Variants in ETV6 observed in about 807,000 individuals in gnomAD.
ETV6 encodes the protein ETS variant transcription factor 6.
ETV6 carries 16 observed loss-of-function variants against 51.1 expected under a neutral mutation model. That is an observed-to-expected ratio of 0.31 (90% CI 0.21 to 0.48). ETV6 has a LOEUF of 0.48. Ranked by LOEUF, ETV6 falls within the 20% of genes least tolerant of loss-of-function variation. The probability of loss-of-function intolerance (pLI) is 0.99; values close to 1 mark genes in which losing one functional copy is unlikely to be tolerated. For synonymous variants in ETV6, 240 were observed against 224.1 expected (o/e 1.07, Z -0.64); for missense variants, 458 against 594.8 (o/e 0.77, Z 2.39).
intron 4 of ETV6, among the ~76,000 whole-genome samples, chr12:11,857,986 GTCC>G (rs1946656887): frequency 6.6e-6 from 1 of 152,178 alleles, no homozygotes; most frequent in Non-Finnish European, 1.5e-5. Context: ...TCATAGCAGT[GTCC>G]TGCCTGGTGT....
intron 2 of ETV6, among the ~76,000 whole-genome samples, chr12:11,815,973 T>C (rs1212582064): frequency 1.3e-5 from 2 of 152,226 alleles, no homozygotes; most frequent in East Asian, 1.9e-4. Flanking sequence ...AGGTTATAGA[T>C]GACTTCATGC....
At chr12:11,695,020 T>G (rs1262886011) in intron 1 of ETV6, among the ~76,000 whole-genome samples, 1 of 152,222 alleles carries the variant, frequency 6.6e-6, no homozygotes, top group Non-Finnish European at 1.5e-5. Flanking sequence ...ATACTGAATT[T>G]TGCTGTGACC....
At chr12:11,696,026 GA>G (rs58263882) in intron 1 of ETV6, among the ~76,000 whole-genome samples, 30 of 146,318 alleles carry the variant, frequency 2.1e-4, no homozygotes, top group East Asian at 4.0e-4. Context: ...TAGGTGTAGG[GA>G]AAAAAAAAAG....
rs1203943794 is a variant in ETV6, at chr12:11,649,979, C to CGG, written c.-149_-148insGG. On this transcript the variant is annotated 5_prime_UTR_variant, in exon 1 of 8. The change creates a premature stop within an existing upstream ORF in the 5' untranslated region. Transcript: ENST00000396373. ...GCCGCCCCGCCCCGCCCCGCGCGCT[C>CGG]CAGACCCCCGGGGCGGCTGCCGGGA... 7 of 699,740 alleles carry CGG rather than the reference C, an allele frequency of 1.0e-5. No individual in the cohort carries two copies. The East Asian group carries it at 2.0e-4, about 20-fold the overall frequency. The allele number at this position is 699,740 out of a possible 1,614,324, so 43.3% of individuals were successfully genotyped here.
At chr12:11,692,734 G>A (rs865882589) in intron 1 of ETV6, among the ~76,000 whole-genome samples, 1 of 152,206 alleles carries the variant, frequency 6.6e-6, no homozygotes. Flanking sequence ...AGCTGGGAGA[G>A]GCAGTATGCA....
chr12:11,759,760 A>G (rs1945057286), intron 2 of ETV6, among the ~76,000 whole-genome samples: 1 of 103,738 alleles, frequency 9.6e-6, no homozygotes, highest in South Asian at 5.1e-4. Flanking sequence ...CAGGTGTGAT[A>G]AAGGTTCAGT....
At position 11,891,238 on chromosome 12, in the gene ETV6, G is replaced by A. The variant is rs1328764391; in HGVS notation, c.*192G>A. The stretch of plus-strand genomic sequence containing the variant: ...TAGACAAACTACCCAGCACAGGCGG[G>A]GCTGGAATTCTGGCGGAGGGCATGA... On this transcript the variant is annotated 3_prime_UTR_variant, in exon 8 of 8. Coordinates refer to ENST00000396373, the MANE Select transcript of ETV6 (RefSeq NM_001987.5). 2 of 527,684 alleles carry A rather than the reference G, an allele frequency of 3.8e-6. No homozygotes were observed. Among genetic ancestry groups the A allele is most frequent in the South Asian group, 2.3e-5 (1 of 43,212 alleles). 32.7% of individuals were successfully genotyped at this position (527,684 alleles called of 1,614,324 possible). A position where few individuals can be genotyped will look rare whatever the true frequency, so the allele number is the denominator to read the frequency against.
At chr12:11,856,137 G>T (rs1448345722) in intron 4 of ETV6, among the ~76,000 whole-genome samples, 1 of 152,152 alleles carries the variant, frequency 6.6e-6, no homozygotes, top group Admixed American at 6.5e-5. Flanking sequence ...TCAGCAGTAG[G>T]TGTGTTTGTT....
At chr12:11,859,211 G>A (rs543093894) in intron 4 of ETV6, among the ~76,000 whole-genome samples, 3 of 121,654 alleles carry the variant, frequency 2.5e-5, no homozygotes, top group African/African-American at 9.3e-5. Flanking sequence ...GTGCGATCTC[G>A]GTTCACTGCA....
chr12:11,663,035 C>A (rs1051156231), intron 1 of ETV6, among the ~76,000 whole-genome samples: 7 of 152,182 alleles, frequency 4.6e-5, no homozygotes, highest in Admixed American at 3.9e-4. Flanking sequence ...TCTGTTATAC[C>A]ATTTGCCAAA....
chr12:11,839,144 G>T lies in ETV6; in HGVS notation c.168G>T (p.Leu56Phe), dbSNP rs1278146731. 1 of 1,613,772 alleles carries T rather than the reference G, an allele frequency of 6.2e-7. No homozygotes were observed. The highest frequency in any genetic ancestry group is 8.5e-7 in the Non-Finnish European group (1 of 1,179,696). Residue 56 changes from leucine (L) to phenylalanine (F), a missense_variant, in exon 3 of 8, where the codon TTG becomes TTT. Leu to Phe is a conservative substitution (Grantham distance 22). Around this residue, in one of 4 missense-constraint regions of ETV6, gnomAD observed 84 missense variants for 75.9 expected, o/e 1.11. Coordinates refer to ENST00000396373, the MANE Select transcript of ETV6 (RefSeq NM_001987.5). ...GCCTCATGCTCTCTCCAACAGGCTT[G>T]CAGCCAATTTACTGGAGCAGGGATG... ...DSIRLPAHLR[L>F]QPIYWSRDDV...
chr12:11,877,522 G>A (rs148440934), intron 5 of ETV6, among the ~76,000 whole-genome samples: 1 of 152,204 alleles, frequency 6.6e-6, no homozygotes, highest in East Asian at 1.9e-4. Context: ...GAAAAGATAG[G>A]GTTGTGGGAT....
At chr12:11,732,402 T>C (rs1208528706) in intron 1 of ETV6, among the ~76,000 whole-genome samples, 1 of 152,204 alleles carries the variant, frequency 6.6e-6, no homozygotes, top group Admixed American at 6.5e-5. Flanking sequence ...TCTCAATTTC[T>C]AAGGCCCCTT....
At chr12:11,817,009 C>T (rs2710291) in intron 2 of ETV6, among the ~76,000 whole-genome samples, 89,196 of 151,968 alleles carry the variant, frequency 0.59, 26,177 homozygotes, top group Non-Finnish European at 0.61. Context: ...CTTTCCAGCC[C>T]TTAGAAGCCT....
At position 11,893,353 on chromosome 12, in the gene ETV6, T is replaced by C. The variant is rs1164448239; in HGVS notation, c.*2307T>C. 5.3e-6 allele frequency: 1 copy of C among 188,658 alleles called. No individual in the cohort carries two copies. The highest frequency in any genetic ancestry group is 8.2e-5 in the Admixed American group (1 of 12,140). The allele number at this position is 188,658 out of a possible 1,614,324, so 11.7% of individuals were successfully genotyped here. A position where few individuals can be genotyped will look rare whatever the true frequency, so the allele number is the denominator to read the frequency against. On this transcript the variant is annotated 3_prime_UTR_variant, in exon 8 of 8. Transcript: ENST00000396373. ...AGTGCAAGAACTCAGTCTCTTACTG[T>C]TCAAAGAATCTTAACAGTTGAATTA...
intron 3 of ETV6, among the ~76,000 whole-genome samples, chr12:11,851,387 A>G (rs1380346843): frequency 6.6e-6 from 1 of 152,228 alleles, no homozygotes; most frequent in Admixed American, 6.5e-5. Context: ...CACGAAACCA[A>G]AAGAAACAAA....
intron 1 of ETV6, among the ~76,000 whole-genome samples, chr12:11,723,119 G>A (rs1206491941): frequency 1.3e-5 from 2 of 152,180 alleles, no homozygotes; most frequent in African/African-American, 4.8e-5. Flanking sequence ...GAATCTCTTT[G>A]TACCCTCGTT....
At chr12:11,671,920 G>C (rs778182444) in intron 1 of ETV6, among the ~76,000 whole-genome samples, 1 of 130,768 alleles carries the variant, frequency 7.6e-6, no homozygotes, top group Non-Finnish European at 1.6e-5. Context: ...CTTTTTAATT[G>C]GGTGTTTTTA....
intron 1 of ETV6, among the ~76,000 whole-genome samples, chr12:11,702,104 G>T (rs868383119): frequency 6.6e-6 from 1 of 152,172 alleles, no homozygotes; most frequent in South Asian, 2.1e-4. Context: ...TGACAGGGGG[G>T]TGTGAATGGA....
Sources: allele counts gnomAD v4.1 joint callset (sites outside exome capture counted in the v4.1 genomes callset), GRCh38; gene constraint gnomAD v4.1.1; regional missense constraint gnomAD v4.1.1; transcripts MANE v1.5; gene names NCBI Gene and HGNC (gene_info 2026-07-23, HGNC 2026-07-21).